FAR1: variants seen among roughly 807,000 people sequenced by gnomAD.
FAR1 encodes fatty acyl-CoA reductase 1.
In FAR1, 22 loss-of-function variants were observed where a neutral mutation model predicts 61.1. The ratio of observed to expected loss-of-function variants is 0.36; its 90% confidence interval spans 0.26 to 0.51. The LOEUF is 0.51. Among genes scored for constraint, FAR1 ranks in the 20% least tolerant of loss-of-function variants. FAR1 has a pLI of 0.95. For missense variants in FAR1, 359 were observed against 626.9 expected (o/e 0.57, Z 4.56); for synonymous variants, 206 against 209.7 (o/e 0.98, Z 0.15).
At position 13,700,327 on chromosome 11, in the gene FAR1, G is replaced by C; in HGVS notation, c.200G>C (p.Arg67Thr). The change falls in exon 3 of 12, where the codon AGA becomes ACA. Residue 67 changes from arginine (R) to threonine (T), a missense_variant. Physicochemically the swap from Arg to Thr is moderately conservative, Grantham distance 71. Coordinates refer to ENST00000354817, the MANE Select transcript of FAR1 (RefSeq NM_032228.6). ...EEVLSGKLFD[R>T]LRDENPDFRE... ...TTTCCCTCTTGATAGCTTTTTGACAGATTGAGAGATGAAAATCCAGATTTT... is the reference window on the plus strand; with the variant it reads ...TTTCCCTCTTGATAGCTTTTTGACACATTGAGAGATGAAAATCCAGATTTT... 6.3e-7 allele frequency: 1 copy of C among 1,586,950 alleles called. No individual in the cohort carries two copies. The highest frequency in any genetic ancestry group is 8.5e-7 in the Non-Finnish European group (1 of 1,171,220).
At chr11:13,682,254 C>T (rs1848135604) in intron 1 of FAR1, among the ~76,000 whole-genome samples, 1 of 152,208 alleles carries the variant, frequency 6.6e-6, no homozygotes, top group African/African-American at 2.4e-5. Context: ...GTAGTGAAAT[C>T]ATAGACAACG....
chr11:13,689,512 A>C (rs1018274610), intron 1 of FAR1, among the ~76,000 whole-genome samples: 2 of 152,206 alleles, frequency 1.3e-5, no homozygotes, highest in African/African-American at 4.8e-5. Context: ...ATTTCATCAT[A>C]TGCATATACC....
At chr11:13,673,842 C>T (rs1003092506) in intron 1 of FAR1, among the ~76,000 whole-genome samples, 3 of 152,218 alleles carry the variant, frequency 2.0e-5, no homozygotes, top group African/African-American at 7.2e-5. Context: ...GTAGTTTTCA[C>T]ACATAAGTAT....
chr11:13,682,698 T>C (rs1156513105), intron 1 of FAR1, among the ~76,000 whole-genome samples: 1 of 152,202 alleles, frequency 6.6e-6, no homozygotes, highest in Non-Finnish European at 1.5e-5. Context: ...AGTCTCAACC[T>C]CCTGGGCTCA....
At chr11:13,674,015 A>G (rs980110691) in intron 1 of FAR1, among the ~76,000 whole-genome samples, 15 of 152,210 alleles carry the variant, frequency 9.9e-5, no homozygotes, top group African/African-American at 3.4e-4. Context: ...ATTATGATGT[A>G]GAAAATTCAA....
intron 1 of FAR1, among the ~76,000 whole-genome samples, chr11:13,687,779 A>C (rs895969391): frequency 6.6e-6 from 1 of 152,162 alleles, no homozygotes; most frequent in African/African-American, 2.4e-5. Flanking sequence ...AGCCATAAAA[A>C]ATGATGAGTT....
chr11:13,697,754 A>AG (rs1848323904), intron 2 of FAR1, among the ~76,000 whole-genome samples: 3 of 152,192 alleles, frequency 2.0e-5, no homozygotes, highest in Non-Finnish European at 2.9e-5. Context: ...AGAATGAAGA[A>AG]GTACGAATCA....
chr11:13,722,838 T>TTCTCCCTCTCTC (rs926266647), intron 10 of FAR1, among the ~76,000 whole-genome samples: 7 of 109,286 alleles, frequency 6.4e-5, no homozygotes, highest in African/African-American at 2.2e-4. Flanking sequence ...TTATTTAGAT[T>TTCTCCCTCTCTC]TCTCCCTCTC....
At chr11:13,682,036 A>G (rs986509492) in intron 1 of FAR1, among the ~76,000 whole-genome samples, 2 of 152,196 alleles carry the variant, frequency 1.3e-5, no homozygotes, top group African/African-American at 4.8e-5. Context: ...ATCCCTGCAT[A>G]TCTTAATGGG....
At chr11:13,693,492 A>G (rs997291979) in intron 1 of FAR1, among the ~76,000 whole-genome samples, 1 of 152,162 alleles carries the variant, frequency 6.6e-6, no homozygotes, top group Non-Finnish European at 1.5e-5. Context: ...GCTCTTCTCA[A>G]TCAGATCTAG....
At chr11:13,720,925 TATG>T (rs1848604382) in intron 9 of FAR1, 3 of 152,120 alleles carry the variant, frequency 2.0e-5, no homozygotes, top group East Asian at 1.9e-4. Flanking sequence ...AAGTTAGTGT[TATG>T]ATATCAATGA....
intron 1 of FAR1, among the ~76,000 whole-genome samples, chr11:13,674,486 C>G (rs938590739): frequency 1.3e-5 from 2 of 152,048 alleles, no homozygotes; most frequent in Non-Finnish European, 2.9e-5. Flanking sequence ...ATTTTAAGCC[C>G]GTCTTCCTTG....
Position 13,703,407 on chromosome 11 carries a change from T to G in FAR1, c.365+2915T>G, listed in dbSNP as rs1848397914. 3.9e-5 allele frequency among the ~76,000 whole-genome samples: 4 copies of G among 103,032 alleles called. No homozygotes were observed. The Admixed American group carries it at 4.0e-4, about 10-fold the overall frequency. 67.6% of individuals were successfully genotyped at this position (103,032 alleles called of 152,430 possible). Reference sequence around the variant, plus strand: ...CTAACAGTTACTCTTTATAACTACTTGTTAAGTTAACCTACAAATAAAAAA... The same window carrying G: ...CTAACAGTTACTCTTTATAACTACTGGTTAAGTTAACCTACAAATAAAAAA... On this transcript the variant is annotated intron_variant, in intron 3 of 11. Transcript: ENST00000354817.
At chr11:13,680,527 G>A (rs1035890767) in intron 1 of FAR1, among the ~76,000 whole-genome samples, 2 of 152,120 alleles carry the variant, frequency 1.3e-5, no homozygotes, top group South Asian at 2.1e-4. Context: ...CAAGAAGCAC[G>A]GCATCAGTAT....
chr11:13,684,139 C>T (rs182599380), intron 1 of FAR1, among the ~76,000 whole-genome samples: 3 of 152,224 alleles, frequency 2.0e-5, no homozygotes, highest in African/African-American at 7.2e-5. Flanking sequence ...AACATTATCT[C>T]GAGAGGGAAA....
chr11:13,728,560 A>C, intron 11 of FAR1, 52 bp from the exon 12 acceptor site: 1 of 1,513,636 alleles, frequency 6.6e-7, no homozygotes, highest in Non-Finnish European at 9.1e-7. Context: ...CCATCTAACA[A>C]TATTTTTTTC....
intron 3 of FAR1, among the ~76,000 whole-genome samples, chr11:13,704,661 C>T (rs1398315319): frequency 2.0e-5 from 3 of 152,084 alleles, no homozygotes; most frequent in Non-Finnish European, 4.4e-5. Flanking sequence ...TTTTAAATTA[C>T]AGATGACTGA....
intron 3 of FAR1, among the ~76,000 whole-genome samples, chr11:13,706,565 T>A (rs1382674535): frequency 6.6e-6 from 1 of 152,178 alleles, no homozygotes; most frequent in Non-Finnish European, 1.5e-5. Flanking sequence ...TATGTATATA[T>A]TGTAATGGTC....
intron 5 of FAR1, among the ~76,000 whole-genome samples, chr11:13,711,453 C>T (rs1321302926): frequency 6.6e-6 from 1 of 152,158 alleles, no homozygotes; most frequent in Non-Finnish European, 1.5e-5. Context: ...TAAAATCAAA[C>T]TTGAACAAGC....
Sources: gnomAD v4.1 joint callset for allele counts (sites outside exome capture counted in the v4.1 genomes callset) on GRCh38, gnomAD v4.1.1 for gene constraint, MANE v1.5 for transcripts, NCBI Gene and HGNC (gene_info 2026-07-23, HGNC 2026-07-21) for gene names.